Variants in LTBP2 observed in about 807,000 individuals in gnomAD.
LTBP2 encodes the protein latent-transforming growth factor beta-binding protein 2.
A neutral mutation model predicts 210.6 loss-of-function variants in LTBP2; 103 were observed. That is an observed-to-expected ratio of 0.49 (90% CI 0.42 to 0.58). The LOEUF (loss-of-function observed/expected upper bound fraction) is 0.58. Among genes scored for constraint, LTBP2 ranks in the 20% least tolerant of loss-of-function variants. The pLI is 0.00. For synonymous variants in LTBP2, 1,007 were observed against 1,015.0 expected (o/e 0.99, Z 0.15); for missense variants, 2,313 against 2,494.5 (o/e 0.93, Z 1.55).
Position 74,511,380 on chromosome 14 carries a change from C to T in LTBP2, c.2909-16G>A. ...TCGTTGATATCTGCAAAACAGCAGC[C>T]CCTCCCTTGGTCATCCCTGGGAACA... is the stretch of plus-strand genomic sequence containing the variant. On this transcript the variant is annotated splice_polypyrimidine_tract_variant and intron_variant, in intron 18 of 35. Coordinates refer to ENST00000261978, the MANE Select transcript of LTBP2 (RefSeq NM_000428.3). 1 of 1,613,906 alleles carries T rather than the reference C, an allele frequency of 6.2e-7. No individual in the cohort carries two copies. Among genetic ancestry groups the T allele is most frequent in the Non-Finnish European group, 8.5e-7 (1 of 1,179,884 alleles).
At chr14:74,596,501 C>T (rs942255480) in intron 2 of LTBP2, among the ~76,000 whole-genome samples, 5 of 152,160 alleles carry the variant, frequency 3.3e-5, no homozygotes, top group Admixed American at 2.0e-4. Context: ...AGCCTAGAGG[C>T]CAGTGGCCCA....
chr14:74,555,366 C>T lies in LTBP2; in HGVS notation c.1021+137G>A, dbSNP rs117449171. 1.9e-4 allele frequency: 181 copies of T among 936,026 alleles called. No individual in the cohort carries two copies. In the East Asian group the frequency reaches 3.7e-3, roughly 19 times the overall value. 58.0% of individuals were successfully genotyped at this position (936,026 alleles called of 1,614,324 possible). The stretch of plus-strand genomic sequence containing the variant: ...CGGCACAAAGCAGGTGCTCAACAAG[C>T]GTTTGTTGATTGGCTGAAAGAATGA... On this transcript the variant is annotated intron_variant, in intron 4 of 35. Coordinates refer to ENST00000261978, the MANE Select transcript of LTBP2 (RefSeq NM_000428.3).
chr14:74,501,250 T>A (rs774687761), intron 35 of LTBP2, among the ~76,000 whole-genome samples, 191 bp downstream of exon 35: 2 of 152,226 alleles, frequency 1.3e-5, no homozygotes, highest in Non-Finnish European at 2.9e-5. Context: ...CCTTGTCTTT[T>A]GTCTGGGAAC....
Position 74,508,707 on chromosome 14 carries a change from C to T in LTBP2, c.3549G>A (p.Glu1183=). The change falls in exon 24 of 36, where the codon GAG becomes GAA. Residue 1183 remains glutamate, a synonymous_variant. Coordinates refer to ENST00000261978, the MANE Select transcript of LTBP2 (RefSeq NM_000428.3). ...ACTCGCCGTGGGGTGCGCAGTGCTC[C>T]TCCCCCATGCACTCATTCACATCTG... is the stretch of plus-strand genomic sequence containing the variant. ...VCEDVNECMG[E]EHCAPHGECL... is the part of the protein sequence containing the mutation. 1 of 1,613,844 alleles carries T rather than the reference C, an allele frequency of 6.2e-7. No individual in the cohort carries two copies. The highest frequency in any genetic ancestry group is 8.5e-7 in the Non-Finnish European group (1 of 1,179,980).
rs887869528 is a variant in LTBP2 at position 74,500,278 on chromosome 14, G to A, written c.*606C>T. On this transcript the variant is annotated 3_prime_UTR_variant, in exon 36 of 36. Coordinates refer to ENST00000261978, the MANE Select transcript of LTBP2 (RefSeq NM_000428.3). ...AAGCTAATATCAGCCTTGCTTCTCT[G>A]AGTGAAGGGATCTTCTGCCACTCCT... 5.4e-5 allele frequency: 13 copies of A among 241,188 alleles called. No homozygotes were observed. Among genetic ancestry groups the A allele is most frequent in the Non-Finnish European group, 9.0e-5 (11 of 122,454 alleles). 14.9% of individuals were successfully genotyped at this position (241,188 alleles called of 1,614,324 possible).
At chr14:74,604,940 G>A (rs910035963) in intron 1 of LTBP2, among the ~76,000 whole-genome samples, 3 of 152,320 alleles carry the variant, frequency 2.0e-5, no homozygotes, top group South Asian at 4.1e-4. Flanking sequence ...CCCTGACTCT[G>A]CAGCTAAAGA....
chr14:74,502,780 G>T lies in LTBP2; in HGVS notation c.5043C>A (p.Gly1681=). ...PDGAPFYNYL[G]PEDTVPEPAF... ...CAGGCTCAGGGACGGTGTCCTCGGG[G>T]CCCAGGTAGTTGTAGAAGGGGGCCC... is the stretch of plus-strand genomic sequence containing the variant. Residue 1681 remains glycine, a synonymous_variant, in exon 34 of 36, where the codon GGC becomes GGA. Transcript: ENST00000261978. 2.5e-6 allele frequency: 4 copies of T among 1,614,166 alleles called. No individual in the cohort carries two copies. Among genetic ancestry groups the T allele is most frequent in the Non-Finnish European group, 3.4e-6 (4 of 1,180,000 alleles).
intron 3 of LTBP2, among the ~76,000 whole-genome samples, chr14:74,564,353 ATT>A (rs1491508499): frequency 0.026 from 332 of 12,624 alleles, 54 homozygotes; most frequent in South Asian, 0.062. Flanking sequence ...ATTTATATAT[ATT>A]TATATATATA....
chr14:74,602,701 G>A (rs2088465313), intron 2 of LTBP2, among the ~76,000 whole-genome samples: 1 of 152,260 alleles, frequency 6.6e-6, no homozygotes, highest in South Asian at 2.1e-4. Flanking sequence ...ATCAGTGGAA[G>A]AGGCTCAGGT....
intron 1 of LTBP2, among the ~76,000 whole-genome samples, chr14:74,604,166 A>G (rs1434266658): frequency 6.8e-6 from 1 of 146,620 alleles, no homozygotes; most frequent in Non-Finnish European, 1.5e-5. Flanking sequence ...CCTCTCACCA[A>G]AAAAAAAAAA....
At position 74,498,953 on chromosome 14, in the gene LTBP2, A is replaced by G. The variant is rs1172457560; in HGVS notation, c.*1931T>C. On this transcript the variant is annotated 3_prime_UTR_variant, in exon 36 of 36. Transcript: ENST00000261978. ...AGCTATTACAAATGATGCAGTAATA[A>G]CTTCTTACGTATGTCATTTTATATC... is the stretch of plus-strand genomic sequence containing the variant. 2 of 223,960 alleles carry G rather than the reference A, an allele frequency of 8.9e-6. No individual in the cohort carries two copies. The highest frequency in any genetic ancestry group is 1.8e-5 in the Non-Finnish European group (2 of 112,348). The allele number at this position is 223,960 out of a possible 1,614,324, so 13.9% of individuals were successfully genotyped here.
intron 10 of LTBP2, 105 bp downstream of exon 10, chr14:74,532,321 G>C (rs1198068258): frequency 5.3e-6 from 8 of 1,508,394 alleles, no homozygotes; most frequent in Non-Finnish European, 6.4e-6. Context: ...AGCATGGCGT[G>C]ATCAGGTCTG....
intron 2 of LTBP2, among the ~76,000 whole-genome samples, chr14:74,593,456 C>T (rs1251734662): frequency 6.6e-6 from 1 of 152,168 alleles, no homozygotes; most frequent in Non-Finnish European, 1.5e-5. Flanking sequence ...CCAGTGGCCT[C>T]GTCCACGATA....
rs753135298 is a variant in LTBP2 at position 74,549,896 on chromosome 14, C to A, written c.1756G>T (p.Val586Leu). Residue 586 changes from valine (V) to leucine (L), a missense_variant, in exon 8 of 36, where the codon GTG becomes TTG. Around this residue, in one of 3 missense-constraint regions of LTBP2, gnomAD observed 1,867 missense variants for 1,976.9 expected, o/e 0.94. Coordinates refer to ENST00000261978, the MANE Select transcript of LTBP2 (RefSeq NM_000428.3). ...CCGSVGAFWG[V>L]TLCAPCPPRP... ...GGTGGGCATGGGGCACACAAAGTCA[C>A]CCCCCAGAAGGCTCCCACACTGCCA... 28 of 1,613,782 alleles carry A rather than the reference C, an allele frequency of 1.7e-5. No homozygotes were observed. Among genetic ancestry groups the A allele is most frequent in the Non-Finnish European group, 2.1e-5 (25 of 1,179,816 alleles).
chr14:74,552,073 C>A, intron 6 of LTBP2, 114 bp downstream of exon 6: 1 of 993,410 alleles, frequency 1.0e-6, no homozygotes, highest in Non-Finnish European at 1.5e-6. Context: ...GAGGTTTGAT[C>A]ATAAAGGAAG....
At chr14:74,501,636 C>T in intron 34 of LTBP2, 46 bp from the exon 35 acceptor site, 1 of 1,612,096 alleles carries the variant, frequency 6.2e-7, no homozygotes, top group Non-Finnish European at 8.5e-7. Context: ...GGGCTGTGTC[C>T]AGACTCTCCC....
intron 3 of LTBP2, among the ~76,000 whole-genome samples, chr14:74,567,729 C>T (rs1218569979): frequency 1.3e-5 from 2 of 152,128 alleles, no homozygotes; most frequent in Admixed American, 6.5e-5. Context: ...CGTCACAGCG[C>T]TGGGCACACA....
chr14:74,611,820 C>A lies in LTBP2; in HGVS notation c.125G>T (p.Arg42Ile). 1.9e-6 allele frequency: 3 copies of A among 1,611,742 alleles called. No individual in the cohort carries two copies. The highest frequency in any genetic ancestry group is 2.5e-6 in the Non-Finnish European group (3 of 1,179,672). The part of the protein sequence containing the change: ...AGHAQRDPVG[R>I]YEPAGGDANR... Reference sequence around the variant, plus strand: ...CGCGTCTCCACCAGCCGGCTCGTATCTCCCTACGGGGTCCCTTTGGGCATG... The same window carrying A: ...CGCGTCTCCACCAGCCGGCTCGTATATCCCTACGGGGTCCCTTTGGGCATG... The change falls in exon 1 of 36, where the codon AGA becomes ATA. Residue 42 changes from arginine to isoleucine, a missense_variant. Coordinates refer to ENST00000261978, the MANE Select transcript of LTBP2 (RefSeq NM_000428.3).
At chr14:74,574,062 G>A (rs1472105935) in intron 3 of LTBP2, among the ~76,000 whole-genome samples, 1 of 152,124 alleles carries the variant, frequency 6.6e-6, no homozygotes, top group Non-Finnish European at 1.5e-5. Context: ...TATTCAATAA[G>A]GCTCCATCAA....
Sources: allele counts gnomAD v4.1 joint callset (sites outside exome capture counted in the v4.1 genomes callset), GRCh38; gene constraint gnomAD v4.1.1; regional missense constraint gnomAD v4.1.1; transcripts MANE v1.5; gene names NCBI Gene and HGNC (gene_info 2026-07-23, HGNC 2026-07-21).